CHCHD4: variants seen among roughly 807,000 people sequenced by gnomAD.
CHCHD4 encodes the protein mitochondrial intermembrane space import and assembly protein 40.
Under a neutral mutation model 12.4 loss-of-function variants are expected in CHCHD4, and 7 were observed. The observed-to-expected ratio is 0.57, with a 90% CI of 0.32 to 1.06. The LOEUF (loss-of-function observed/expected upper bound fraction) is 1.06. Among genes scored for constraint, CHCHD4 ranks in the 50% least tolerant of loss-of-function variants. The pLI, the probability that CHCHD4 is intolerant of heterozygous loss-of-function variation, is 0.04. For synonymous variants in CHCHD4, 56 were observed against 58.0 expected, an observed-to-expected ratio of 0.97 and a Z score of 0.16; for missense variants, 143 against 175.1, an observed-to-expected ratio of 0.82 and a Z score of 1.03.
intron 2 of CHCHD4, among the ~76,000 whole-genome samples, chr3:14,115,486 A>G (rs941129539): frequency 2.0e-5 from 3 of 152,258 alleles, no homozygotes; most frequent in Non-Finnish European, 4.4e-5. Flanking sequence ...GCCCTGATCA[A>G]GATTACCCTT....
chr3:14,120,322 C>T (rs1199399938), intron 1 of CHCHD4, among the ~76,000 whole-genome samples: 1 of 152,148 alleles, frequency 6.6e-6, no homozygotes, highest in Non-Finnish European at 1.5e-5. Context: ...TCAAATACAT[C>T]CAGAAAGAGC....
rs148570860 is a variant in CHCHD4, at chr3:14,113,133, G to A, written c.183C>T (p.Ser61=). 551 of 1,613,884 alleles carry A rather than the reference G, an allele frequency of 3.4e-4. 1 individual carries two copies. The highest frequency in any genetic ancestry group is 1.7e-3 in the African/African-American group (125 of 74,994). The change falls in exon 3 of 3, where the codon AGC becomes AGT. Residue 61 remains serine (S), a synonymous_variant. Coordinates refer to ENST00000396914, the MANE Select transcript of CHCHD4 (RefSeq NM_001098502.2). ...ACTTAAACTGTTCTCCACAGGGACCGCTGGCCATTCCCCCAAGGCATGGGC... is the reference window on the plus strand; with the variant it reads ...ACTTAAACTGTTCTCCACAGGGACCACTGGCCATTCCCCCAAGGCATGGGC... ...WNCPCLGGMA[S]GPCGEQFKSA... is the part of the protein sequence containing the mutation.
intron 1 of CHCHD4, chr3:14,122,131 G>A (rs1360404135): frequency 6.6e-7 from 1 of 1,511,972 alleles, no homozygotes; most frequent in Admixed American, 2.2e-5. Flanking sequence ...GCTCACACGT[G>A]TTTAGGATTG....
intron 2 of CHCHD4, among the ~76,000 whole-genome samples, chr3:14,115,657 G>A (rs1423710777): frequency 3.3e-5 from 5 of 152,234 alleles, no homozygotes; most frequent in Non-Finnish European, 7.3e-5. Flanking sequence ...GTTAGCATTT[G>A]AGAAATTCCA....
chr3:14,116,671 G>A (rs1484688100), intron 1 of CHCHD4, 147 bp from the exon 2 acceptor site: 4 of 667,270 alleles, frequency 6.0e-6, no homozygotes, highest in Non-Finnish European at 1.1e-5. Context: ...GCTCTCATAT[G>A]CTAGGGGTAG....
chr3:14,123,334 GAA>G (rs1559358098), intron 1 of CHCHD4, among the ~76,000 whole-genome samples: 3 of 152,286 alleles, frequency 2.0e-5, no homozygotes, highest in African/African-American at 7.2e-5. Context: ...GTAAATTAGA[GAA>G]AGACTCGAAA....
At chr3:14,122,648 T>C (rs182867162) in intron 1 of CHCHD4, among the ~76,000 whole-genome samples, 1 of 152,306 alleles carries the variant, frequency 6.6e-6, no homozygotes, top group East Asian at 1.9e-4. Context: ...TCAATAAAGA[T>C]GTGGGCACCC....
At position 14,116,414 on chromosome 3, in the gene CHCHD4, C is replaced by A. The variant is rs532352780; in HGVS notation, c.121+12G>T. Reference sequence around the variant, plus strand: ...CCTGGTGTGGGTCCCTGGGAGGCCACATGTCACTCACCATGCTCCTCGTAT... The same window carrying A: ...CCTGGTGTGGGTCCCTGGGAGGCCAAATGTCACTCACCATGCTCCTCGTAT... On this transcript the variant is annotated intron_variant, in intron 2 of 2. Transcript: ENST00000396914. 1.9e-6 allele frequency: 3 copies of A among 1,578,690 alleles called. No individual in the cohort carries two copies. Among genetic ancestry groups the A allele is most frequent in the Non-Finnish European group, 1.7e-6 (2 of 1,150,200 alleles).
chr3:14,121,618 T>G (rs1295783529), intron 1 of CHCHD4, among the ~76,000 whole-genome samples: 1 of 152,180 alleles, frequency 6.6e-6, no homozygotes, highest in Admixed American at 6.5e-5. Flanking sequence ...TTTCTTTCGT[T>G]TTTGGCTAAG....
intron 2 of CHCHD4, among the ~76,000 whole-genome samples, chr3:14,114,402 C>T (rs1694853401): frequency 6.6e-6 from 1 of 152,150 alleles, no homozygotes. Flanking sequence ...GTGCTACTAA[C>T]CCCAGTTTAC....
At chr3:14,120,243 C>A (rs754311328) in intron 1 of CHCHD4, among the ~76,000 whole-genome samples, 20 of 152,080 alleles carry the variant, frequency 1.3e-4, no homozygotes, top group Non-Finnish European at 5.9e-5. Context: ...TTTAGTTTTA[C>A]TCTCGGTAGA....
intron 1 of CHCHD4, 135 bp from the exon 2 acceptor site, chr3:14,116,659 C>A: frequency 4.3e-6 from 3 of 705,552 alleles, no homozygotes; most frequent in Admixed American, 4.0e-5. Context: ...GACTATCAAA[C>A]TGCTCTCATA....
intron 1 of CHCHD4, among the ~76,000 whole-genome samples, chr3:14,121,586 G>A (rs1574932729): frequency 6.6e-6 from 1 of 152,180 alleles, no homozygotes; most frequent in African/African-American, 2.4e-5. Flanking sequence ...TTTGAGAATG[G>A]CAACCTGCAC....
chr3:14,113,085 A>C lies in CHCHD4; in HGVS notation c.231T>G (p.Tyr77Ter). Reference sequence around the variant, plus strand: ...CTGACCCCTTGATCTCCTCCGTGCTATAGTGGAAGCAGGAAAAGGCTGACT... The same window carrying C: ...CTGACCCCTTGATCTCCTCCGTGCTCTAGTGGAAGCAGGAAAAGGCTGACT... ...QFKSAFSCFH[Y>*]STEEIKGSDC... Residue 77 changes from tyrosine (Y) to a stop codon, truncating the protein, a stop_gained, in exon 3 of 3, where the codon TAT becomes TAG. Transcript: ENST00000396914. LOFTEE classifies it high-confidence loss of function. 1 of 1,614,070 alleles carries C rather than the reference A, an allele frequency of 6.2e-7. No homozygotes were observed. Among genetic ancestry groups the C allele is most frequent in the Non-Finnish European group, 8.5e-7 (1 of 1,180,014 alleles).
At chr3:14,121,928 C>A in intron 1 of CHCHD4, 2 of 1,614,156 alleles carry the variant, frequency 1.2e-6, no homozygotes, top group Non-Finnish European at 8.5e-7. Context: ...TTCCTCAGCT[C>A]CAGCTCTGTG....
Position 14,124,640 on chromosome 3 carries a change from G to GC in CHCHD4, c.22+14dup. ...CCCTCGTAGGCCGGTCTCCGTGGCA[G>GC]CCCGCCCTCCCTACCTTCCTGCCGG... is the stretch of plus-strand genomic sequence containing the variant. On this transcript the variant is annotated intron_variant, in intron 1 of 2. Transcript: ENST00000396914. 6.6e-7 allele frequency: 1 copy of GC among 1,512,800 alleles called. No individual in the cohort carries two copies. The highest frequency in any genetic ancestry group is 8.8e-7 in the Non-Finnish European group (1 of 1,132,496). The allele number at this position is 1,512,800 out of a possible 1,614,324, so 93.7% of individuals were successfully genotyped here. A position where few individuals can be genotyped will look rare whatever the true frequency, so the allele number is the denominator to read the frequency against.
chr3:14,124,321 A>G (rs775750411), intron 1 of CHCHD4, among the ~76,000 whole-genome samples: 42 of 152,038 alleles, frequency 2.8e-4, no homozygotes, highest in Non-Finnish European at 5.4e-4. Flanking sequence ...TAACCACCAT[A>G]CATTCCCAGT....
chr3:14,113,007 G>A lies in CHCHD4; in HGVS notation c.309C>T (p.Asp103=), dbSNP rs373514502. The part of the protein sequence containing the change: ...AMQECMQKYP[D]LYPQEDEDEE... ...CATCCTCATCCTCTTGGGGATAGAGGTCTGGGTATTTCTGCATGCATTCCT... is the reference window on the plus strand; with the variant it reads ...CATCCTCATCCTCTTGGGGATAGAGATCTGGGTATTTCTGCATGCATTCCT... Residue 103 remains aspartate (D), a synonymous_variant, in exon 3 of 3, where the codon GAC becomes GAT. Coordinates refer to ENST00000396914, the MANE Select transcript of CHCHD4 (RefSeq NM_001098502.2). 6.4e-5 allele frequency: 103 copies of A among 1,613,794 alleles called. No individual in the cohort carries two copies. Among genetic ancestry groups the A allele is most frequent in the Non-Finnish European group, 8.6e-5 (102 of 1,179,972 alleles).
intron 2 of CHCHD4, among the ~76,000 whole-genome samples, chr3:14,113,875 T>G (rs920860832): frequency 2.0e-5 from 3 of 152,220 alleles, no homozygotes; most frequent in African/African-American, 7.2e-5. Context: ...TTTCACTATA[T>G]TAATAGGCTT....
Sources: allele counts gnomAD v4.1 joint callset (sites outside exome capture counted in the v4.1 genomes callset), GRCh38; gene constraint gnomAD v4.1.1; transcripts MANE v1.5; gene names NCBI Gene and HGNC (gene_info 2026-07-23, HGNC 2026-07-21).